ARHGAP26: variants seen among roughly 807,000 people sequenced by gnomAD.
ARHGAP26 encodes rho GTPase-activating protein 26.
In ARHGAP26, 38 loss-of-function variants were observed where a neutral mutation model predicts 104.8. The observed-to-expected ratio is 0.36, with a 90% CI of 0.28 to 0.48. The LOEUF (loss-of-function observed/expected upper bound fraction) is 0.48, where lower values mean the gene tolerates loss of function less well. Among genes scored for constraint, ARHGAP26 ranks in the 20% least tolerant of loss-of-function variants. ARHGAP26 has a pLI of 0.99. For missense variants in ARHGAP26, 704 were observed against 947.9 expected (o/e 0.74, Z 3.38); for synonymous variants, 341 against 340.0 (o/e 1.00, Z -0.03).
intron 11 of ARHGAP26, among the ~76,000 whole-genome samples, chr5:142,949,202 A>AGGGGAGAGGG (rs1445451552): frequency 4.7e-5 from 1 of 21,502 alleles, no homozygotes; most frequent in Non-Finnish European, 7.7e-5. Flanking sequence ...AGAGAGAGAG[A>AGGGGAGAGGG]GAGAGAGAGA....
At chr5:142,844,548 A>G (rs1771519660) in intron 1 of ARHGAP26, among the ~76,000 whole-genome samples, 2 of 151,966 alleles carry the variant, frequency 1.3e-5, no homozygotes, top group East Asian at 1.9e-4. Flanking sequence ...GACCTTCTAG[A>G]GCTCTTTGAG....
intron 1 of ARHGAP26, among the ~76,000 whole-genome samples, chr5:142,784,124 C>T (rs1758064862): frequency 6.6e-6 from 1 of 152,226 alleles, no homozygotes. Context: ...TGTGCAAGGT[C>T]AGCAGACTAC....
chr5:142,901,105 A>G (rs1760267883), intron 6 of ARHGAP26, among the ~76,000 whole-genome samples: 1 of 152,218 alleles, frequency 6.6e-6, no homozygotes, highest in Admixed American at 6.5e-5. Context: ...TCCGAGAGGA[A>G]AGACCACAGG....
At chr5:143,012,729 C>T (rs1779068767) in intron 11 of ARHGAP26, among the ~76,000 whole-genome samples, 2 of 149,504 alleles carry the variant, frequency 1.3e-5, no homozygotes, top group African/African-American at 4.9e-5. Context: ...TCTCGGCTCA[C>T]TGCAAGCTCG....
chr5:142,971,640 A>T (rs1488775358), intron 11 of ARHGAP26, among the ~76,000 whole-genome samples: 1 of 152,068 alleles, frequency 6.6e-6, no homozygotes, highest in African/African-American at 2.4e-5. Context: ...CTTACTGTAT[A>T]CCATTCTTTC....
Position 142,892,955 on chromosome 5 carries a change from C to G in ARHGAP26, c.487-1283C>G, listed in dbSNP as rs1446707686. ...TATTTTTGAACCCATTAAGCAACCT[C>G]TCTTCATCCTTCCCACCCCACCCCA... is the stretch of plus-strand genomic sequence containing the variant. On this transcript the variant is annotated intron_variant, in intron 5 of 22. Transcript: ENST00000645722. Among the ~76,000 whole-genome samples the G allele has an allele frequency of 1.0e-4, 15 of 150,656 alleles. 1 individual carries two copies. Among genetic ancestry groups the G allele is most frequent in the Non-Finnish European group, 1.2e-4 (8 of 67,730 alleles).
intron 20 of ARHGAP26, among the ~76,000 whole-genome samples, chr5:143,172,246 C>G (rs2151134591): frequency 6.6e-6 from 1 of 152,106 alleles, no homozygotes; most frequent in East Asian, 1.9e-4. Context: ...CAACTGTCCT[C>G]TGAGCATGGT....
At chr5:142,884,015 A>G (rs910814050) in intron 4 of ARHGAP26, among the ~76,000 whole-genome samples, 1 of 152,140 alleles carries the variant, frequency 6.6e-6, no homozygotes. Flanking sequence ...GCCAGAAAAT[A>G]TTTTTTCTCT....
At chr5:142,857,318 G>T (rs1752522271) in intron 1 of ARHGAP26, among the ~76,000 whole-genome samples, 1 of 152,208 alleles carries the variant, frequency 6.6e-6, no homozygotes, top group African/African-American at 2.4e-5. Flanking sequence ...GTGGACCTGT[G>T]CTAGGAGGCT....
intron 10 of ARHGAP26, among the ~76,000 whole-genome samples, chr5:142,918,383 G>T (rs960229832): frequency 1.3e-4 from 20 of 152,324 alleles, no homozygotes; most frequent in Admixed American, 1.0e-3. Context: ...CTGACCTCAG[G>T]TGATCCGCCT....
chr5:142,880,849 C>T (rs143293956), intron 4 of ARHGAP26, among the ~76,000 whole-genome samples: 1 of 152,292 alleles, frequency 6.6e-6, no homozygotes, highest in African/African-American at 2.4e-5. Context: ...GATGTTTAGT[C>T]AGGGTCTTTC....
intron 1 of ARHGAP26, among the ~76,000 whole-genome samples, chr5:142,808,995 A>G (rs1162099251): frequency 2.6e-5 from 4 of 152,126 alleles, no homozygotes; most frequent in African/African-American, 4.8e-5. Flanking sequence ...GCCCCTTTTT[A>G]TAAGATAAGT....
At chr5:142,941,088 AAAAAAAAAAAAAG>A (rs1007349231) in intron 11 of ARHGAP26, among the ~76,000 whole-genome samples, 1 of 150,334 alleles carries the variant, frequency 6.7e-6, no homozygotes, top group African/African-American at 2.4e-5. Context: ...AAAAAAAAAA[AAAAAAAAAAAAAG>A]AATCTATATT....
chr5:142,801,612 GTT>G (rs76073855), intron 1 of ARHGAP26, among the ~76,000 whole-genome samples: 2 of 141,236 alleles, frequency 1.4e-5, no homozygotes, highest in Non-Finnish European at 1.6e-5. Flanking sequence ...TTAGTAGAGG[GTT>G]TTTTTTTTTT....
At chr5:143,101,093 A>C (rs545196220) in intron 17 of ARHGAP26, among the ~76,000 whole-genome samples, 58 of 152,322 alleles carry the variant, frequency 3.8e-4, no homozygotes, top group African/African-American at 1.3e-3. Flanking sequence ...ACTCTATCTC[A>C]AAAAACAAAC....
chr5:143,048,930 A>AC (rs1784605598), intron 14 of ARHGAP26, among the ~76,000 whole-genome samples: 1 of 151,514 alleles, frequency 6.6e-6, no homozygotes, highest in East Asian at 1.9e-4. Flanking sequence ...AAAAAAAAAA[A>AC]AAAAAACCTT....
chr5:143,200,766 T>G (rs1807585090), intron 20 of ARHGAP26, among the ~76,000 whole-genome samples: 1 of 152,252 alleles, frequency 6.6e-6, no homozygotes, highest in South Asian at 2.1e-4. Context: ...TTCTTCTTCG[T>G]GGTCAGCTTA....
chr5:143,207,095 C>G, intron 20 of ARHGAP26, 103 bp from the exon 21 acceptor site: 1 of 1,444,866 alleles, frequency 6.9e-7, no homozygotes. Flanking sequence ...CGGTGCTCCT[C>G]TGCTCTGCCC....
chr5:142,823,418 C>T (rs1766595111), intron 1 of ARHGAP26, among the ~76,000 whole-genome samples: 1 of 152,024 alleles, frequency 6.6e-6, no homozygotes, highest in Non-Finnish European at 1.5e-5. Context: ...TTCTCTTCTT[C>T]CCTGCAGAAA....
Sources: allele counts gnomAD v4.1 joint callset (sites outside exome capture counted in the v4.1 genomes callset), GRCh38; gene constraint gnomAD v4.1.1; transcripts MANE v1.5; gene names NCBI Gene and HGNC (gene_info 2026-07-23, HGNC 2026-07-21).